The following NCALD variants were observed in gnomAD, a reference collection of about 807,000 sequenced individuals.
The protein encoded by NCALD is neurocalcin-delta.
Under a neutral mutation model 18.6 loss-of-function variants are expected in NCALD, and 10 were observed. That is an observed-to-expected ratio of 0.54 (90% confidence interval 0.33 to 0.91). The LOEUF is 0.91. Ranked by LOEUF, NCALD falls within the 40% of genes least tolerant of loss-of-function variation. The pLI is 0.03. For synonymous variants in NCALD, 88 were observed against 87.4 expected (o/e 1.01, Z -0.04); for missense variants, 184 against 247.6 (o/e 0.74, Z 1.72).
chr8:101,690,967 T>C (rs948694468), intron 3 of NCALD: 1 of 985,342 alleles, frequency 1.0e-6, no homozygotes, highest in African/African-American at 1.7e-5. Context: ...GTCTGCATGA[T>C]TCAGAGTTGG....
At chr8:101,720,409 T>C (rs1467892073) in intron 1 of NCALD, among the ~76,000 whole-genome samples, 1 of 152,186 alleles carries the variant, frequency 6.6e-6, no homozygotes, top group African/African-American at 2.4e-5. Flanking sequence ...TATAGTAACA[T>C]AGTAAAAGAG....
At chr8:101,967,425 G>A (rs1382476634) in intron 2 of NCALD, among the ~76,000 whole-genome samples, 2 of 152,130 alleles carry the variant, frequency 1.3e-5, no homozygotes, top group African/African-American at 4.8e-5. Flanking sequence ...TGGTAAAGAT[G>A]CCTTACTTCC....
At chr8:101,887,904 C>G (rs905989591) in intron 3 of NCALD, among the ~76,000 whole-genome samples, 14 of 152,138 alleles carry the variant, frequency 9.2e-5, no homozygotes, top group African/African-American at 3.4e-4. Context: ...CTAGACAATT[C>G]TCTTGGTACA....
chr8:101,998,723 A>T (rs899597629), intron 2 of NCALD, among the ~76,000 whole-genome samples: 32 of 151,950 alleles, frequency 2.1e-4, no homozygotes, highest in African/African-American at 7.3e-4. Flanking sequence ...TTATCTCTAT[A>T]ATCCTCCCCA....
chr8:101,798,523 G>T (rs776786935), intron 4 of NCALD, among the ~76,000 whole-genome samples: 1 of 152,116 alleles, frequency 6.6e-6, no homozygotes, highest in Admixed American at 6.5e-5. Flanking sequence ...CAAATAAATG[G>T]AGACAGATGC....
chr8:102,092,328 C>T (rs1824951208), intron 1 of NCALD, among the ~76,000 whole-genome samples: 1 of 152,208 alleles, frequency 6.6e-6, no homozygotes, highest in Non-Finnish European at 1.5e-5. Flanking sequence ...AGCCAGCAGC[C>T]CTCGAGGCTG....
rs145028431 is a variant in NCALD, at chr8:101,830,201, T to C, written c.-20+56940A>G. On this transcript the variant is annotated intron_variant, in intron 4 of 6. Coordinates refer to the NCALD transcript ENST00000311028. ...ATATCCTTGGGCTTATAAGATACAA[T>C]TGATACTTGGGTGACATTCATTATC... 3.1e-3 allele frequency among the ~76,000 whole-genome samples: 469 copies of C among 152,276 alleles called. 2 individuals carry two copies. The highest frequency in any genetic ancestry group is 9.6e-3 in the African/African-American group (400 of 41,566).
intron 4 of NCALD, among the ~76,000 whole-genome samples, chr8:101,837,342 T>C (rs754999806): frequency 1.3e-5 from 2 of 152,168 alleles, no homozygotes; most frequent in Non-Finnish European, 1.5e-5. Context: ...AAATAACATA[T>C]ATCAAATAAA....
At chr8:101,793,620 T>G (rs1226603228), upstream of NCALD, among the ~76,000 whole-genome samples, 1 of 152,194 alleles carries the variant, frequency 6.6e-6, no homozygotes, top group Non-Finnish European at 1.5e-5. Context: ...CCAAATGTAG[T>G]TGAAAGTATC....
upstream of NCALD, among the ~76,000 whole-genome samples, chr8:101,794,176 T>G (rs1253888538): frequency 6.6e-6 from 1 of 152,198 alleles, no homozygotes; most frequent in African/African-American, 2.4e-5. Flanking sequence ...GGCTCAAGTG[T>G]GTATGTCATT....
intron 4 of NCALD, among the ~76,000 whole-genome samples, chr8:101,813,780 G>A (rs1044879095): frequency 6.6e-6 from 1 of 151,848 alleles, no homozygotes; most frequent in Non-Finnish European, 1.5e-5. Context: ...TATAGGATTT[G>A]GTCCAGATTT....
intron 2 of NCALD, among the ~76,000 whole-genome samples, chr8:101,717,293 C>A (rs1454908664): frequency 6.6e-5 from 10 of 152,274 alleles, no homozygotes; most frequent in African/African-American, 2.4e-4. Flanking sequence ...GGAAGAGCAA[C>A]TAGAAAATTT....
At chr8:101,785,194 T>G (rs1812175313) in intron 1 of NCALD, among the ~76,000 whole-genome samples, 1 of 152,204 alleles carries the variant, frequency 6.6e-6, no homozygotes, top group Non-Finnish European at 1.5e-5. Flanking sequence ...GAAAAGAACT[T>G]TGAAGACTAT....
intron 2 of NCALD, among the ~76,000 whole-genome samples, chr8:101,973,472 G>T (rs1284623528): frequency 6.6e-6 from 1 of 152,124 alleles, no homozygotes; most frequent in African/African-American, 2.4e-5. Context: ...CATATCAAAG[G>T]TGCATATTCC....
intron 2 of NCALD, among the ~76,000 whole-genome samples, chr8:101,700,028 TTTTA>T (rs35567665): frequency 0.026 from 3,839 of 149,956 alleles, 118 homozygotes; most frequent in African/African-American, 0.072. Context: ...TGCTCTCTAT[TTTTA>T]TTTATTTATT....
chr8:101,980,484 G>A (rs1376256782), intron 2 of NCALD, among the ~76,000 whole-genome samples: 5 of 152,282 alleles, frequency 3.3e-5, no homozygotes, highest in Non-Finnish European at 5.9e-5. Flanking sequence ...GACTATTGGC[G>A]AAGGGTCTCA....
chr8:101,816,145 C>T (rs556328777), intron 4 of NCALD, among the ~76,000 whole-genome samples: 85 of 152,042 alleles, frequency 5.6e-4, no homozygotes, highest in Non-Finnish European at 1.0e-3. Context: ...CAGAGGGAGG[C>T]GGATTTACAT....
In NCALD at chr8:101,686,689, T is replaced by C. The variant is rs1341098279; in HGVS notation, c.*2620A>G. On this transcript the variant is annotated 3_prime_UTR_variant, in exon 4 of 4. Coordinates refer to ENST00000220931, the MANE Select transcript of NCALD (RefSeq NM_032041.3). ...GATGGGATGGGACAGCACCCCCAGC[T>C]CCCTCCCACTCTGAATGATGTATGA... The C allele has an allele frequency of 6.6e-6, 1 of 152,548 alleles. No homozygotes were observed. The highest frequency in any genetic ancestry group is 2.4e-5 in the African/African-American group (1 of 41,396). The allele number at this position is 152,548 out of a possible 1,614,324, so 9.4% of individuals were successfully genotyped here.
At chr8:101,697,949 C>A (rs1815078689) in intron 2 of NCALD, among the ~76,000 whole-genome samples, 1 of 152,032 alleles carries the variant, frequency 6.6e-6, no homozygotes, top group Non-Finnish European at 1.5e-5. Context: ...GGCAATCAGG[C>A]AAGAGAAAGA....
Sources: gnomAD v4.1 joint callset for allele counts (sites outside exome capture counted in the v4.1 genomes callset) on GRCh38, gnomAD v4.1.1 for gene constraint, MANE v1.5 for transcripts, NCBI Gene and HGNC (gene_info 2026-07-23, HGNC 2026-07-21) for gene names.